The following RRBP1 variants were observed in gnomAD, a reference collection of about 807,000 sequenced individuals.
RRBP1 encodes the protein ribosome-binding protein 1.
Under a neutral mutation model 165.2 loss-of-function variants are expected in RRBP1, and 94 were observed. The observed-to-expected ratio is 0.57, with a 90% confidence interval of 0.48 to 0.68. The LOEUF (loss-of-function observed/expected upper bound fraction) is 0.68. Ranked by LOEUF, RRBP1 falls within the 30% of genes least tolerant of loss-of-function variation. RRBP1 has a pLI of 0.00. For missense variants in RRBP1, 1,676 were observed against 1,763.0 expected (o/e 0.95, Z 0.88); for synonymous variants, 680 against 714.5 (o/e 0.95, Z 0.77).
intron 2 of RRBP1, among the ~76,000 whole-genome samples, chr20:17,665,150 T>A (rs1417622969): frequency 6.6e-6 from 1 of 152,134 alleles, no homozygotes; most frequent in Non-Finnish European, 1.5e-5. Flanking sequence ...TGTATATATA[T>A]GTCATCTCCC....
chr20:17,625,426 G>A (rs1018122393), intron 12 of RRBP1, 86 bp downstream of exon 12: 1 of 1,171,070 alleles, frequency 8.5e-7, no homozygotes, highest in Admixed American at 1.7e-5. Context: ...CCCGAGTCCA[G>A]GGCGGGTGCC....
intron 14 of RRBP1, 34 bp from the exon 15 acceptor site, chr20:17,621,807 CA>C: frequency 7.4e-6 from 12 of 1,613,222 alleles, no homozygotes; most frequent in Non-Finnish European, 1.0e-5. Context: ...GACCCGGGGA[CA>C]TTCCCTGAGA....
At position 17,621,952 on chromosome 20, in the gene RRBP1, G is replaced by T. The variant is rs751663140; in HGVS notation, c.3148-5C>A. 6.2e-7 allele frequency: 1 copy of T among 1,609,244 alleles called. No homozygotes were observed. On this transcript the variant is annotated splice_region_variant and splice_polypyrimidine_tract_variant and intron_variant, in intron 13 of 24. Transcript: ENST00000377813. ...GAGCTGCTTCTCCGATTCCTCCTGGGGGGTGGGTGGGGAAGAGCGGAAGGT... is the reference window on the plus strand; with the variant it reads ...GAGCTGCTTCTCCGATTCCTCCTGGTGGGTGGGTGGGGAAGAGCGGAAGGT...
chr20:17,681,961 G>GCCGGCC (rs2037201632), intron 1 of RRBP1, 67 bp downstream of exon 1: 1 of 147,812 alleles, frequency 6.8e-6, no homozygotes, highest in Non-Finnish European at 1.5e-5. Context: ...GCGCAGCGCG[G>GCCGGCC]CCGGCCCCGG....
chr20:17,635,628 T>C lies in RRBP1; in HGVS notation c.2374A>G (p.Asn792Asp). ...TGCTGCAGGCGGGCCAGCTGCGTGTTGGGGCCATTCTCCAGCTGCTCCTGA... is the reference window on the plus strand; with the variant it reads ...TGCTGCAGGCGGGCCAGCTGCGTGTCGGGGCCATTCTCCAGCTGCTCCTGA... ...TLQEQLENGP[N>D]TQLARLQQEN... The change falls in exon 7 of 25, where the codon AAC becomes GAC. Residue 792 changes from asparagine (N) to aspartate (D), a missense_variant. Transcript: ENST00000377813. The C allele has an allele frequency of 6.2e-7, 1 of 1,613,546 alleles. No individual in the cohort carries two copies.
chr20:17,666,218 T>C (rs994125891), intron 2 of RRBP1, among the ~76,000 whole-genome samples: 6 of 152,194 alleles, frequency 3.9e-5, no homozygotes, highest in African/African-American at 1.4e-4. Flanking sequence ...TTAAATGTTT[T>C]CTTCGAAGCC....
At chr20:17,615,847 C>T in intron 22 of RRBP1, 79 bp downstream of exon 22, 2 of 1,284,748 alleles carry the variant, frequency 1.6e-6, no homozygotes, top group South Asian at 1.3e-5. Flanking sequence ...CCGAGCGGGG[C>T]AGGGCTGACC....
chr20:17,627,943 T>TA (rs1369272345), intron 9 of RRBP1, among the ~76,000 whole-genome samples: 5 of 152,292 alleles, frequency 3.3e-5, no homozygotes, highest in South Asian at 2.1e-4. Flanking sequence ...GAGAAAATGA[T>TA]AGAGAGTGGA....
chr20:17,642,893 G>T, intron 4 of RRBP1, 86 bp downstream of exon 4: 1 of 1,381,600 alleles, frequency 7.2e-7, no homozygotes, highest in African/African-American at 1.4e-5. Context: ...TCCTATGAAT[G>T]TCCTCTCTGT....
At chr20:17,644,793 GA>G (rs113471045) in intron 3 of RRBP1, among the ~76,000 whole-genome samples, 11 of 151,426 alleles carry the variant, frequency 7.3e-5, no homozygotes, top group South Asian at 4.2e-4. Context: ...GATTTGGTAT[GA>G]AAAAAAAAGA....
intron 2 of RRBP1, among the ~76,000 whole-genome samples, chr20:17,666,894 C>A (rs1402767876): frequency 6.9e-6 from 1 of 144,056 alleles, no homozygotes; most frequent in African/African-American, 2.6e-5. Flanking sequence ...CTCCTTTAAT[C>A]TGAAGTATGT....
At chr20:17,654,549 T>G (rs2122423109) in intron 3 of RRBP1, among the ~76,000 whole-genome samples, 1 of 152,352 alleles carries the variant, frequency 6.6e-6, no homozygotes, top group South Asian at 2.1e-4. Context: ...TGTTTGCTAG[T>G]GACTCCCTTC....
Position 17,615,468 on chromosome 20 carries a change from A to T in RRBP1, c.4013T>A (p.Leu1338Gln). 1 of 1,609,228 alleles carries T rather than the reference A, an allele frequency of 6.2e-7. No homozygotes were observed. Among genetic ancestry groups the T allele is most frequent in the Non-Finnish European group, 8.5e-7 (1 of 1,178,220 alleles). The part of the protein sequence containing the change: ...ELEKLRTAGP[L>Q]ESSETEEASQ... The stretch of plus-strand genomic sequence containing the variant: ...GGCCTCCTCTGTTTCTGAAGACTCT[A>T]GGGGGCCGGCTGTGCGGAGCTTCTC... Residue 1338 changes from leucine to glutamine, a missense_variant, in exon 23 of 25, where the codon CTA (leucine) becomes CAA (glutamine). By Grantham distance (113) the Leu-to-Gln change is moderately radical. Transcript: ENST00000377813.
intron 8 of RRBP1, 57 bp from the exon 9 acceptor site, chr20:17,630,018 G>C: frequency 1.3e-6 from 2 of 1,551,252 alleles, no homozygotes; most frequent in Non-Finnish European, 1.7e-6. Context: ...GGCCCTCAGC[G>C]GCTCTGCGGT....
intron 9 of RRBP1, among the ~76,000 whole-genome samples, chr20:17,628,710 G>A (rs1473027139): frequency 2.6e-5 from 4 of 152,228 alleles, no homozygotes; most frequent in East Asian, 1.9e-4. Context: ...CCACCTCCGG[G>A]CCCTGTGCTG....
At chr20:17,661,026 C>A (rs1331160416) in intron 2 of RRBP1, among the ~76,000 whole-genome samples, 5 of 148,752 alleles carry the variant, frequency 3.4e-5, no homozygotes, top group African/African-American at 1.2e-4. Flanking sequence ...TCATGTTAGG[C>A]CAGACACTTT....
In RRBP1 at chr20:17,642,682, C is replaced by CCTTT. The variant is rs2036386058; in HGVS notation, c.2061+293_2061+296dup. On this transcript the variant is annotated intron_variant, in intron 4 of 24. Coordinates refer to ENST00000377813, the MANE Select transcript of RRBP1 (RefSeq NM_001365613.2). ...CAGGGCCCCACACTGTGTCCCTATA[C>CCTTT]CTTTCTTTCTGCACCCTGAGCTGTG... Among the ~76,000 whole-genome samples, 3 of 152,154 alleles carry CCTTT rather than the reference C, an allele frequency of 2.0e-5. No homozygotes were observed. The South Asian group carries it at 6.2e-4, about 32-fold the overall frequency.
chr20:17,614,251 G>A (rs749367599), intron 24 of RRBP1, 31 bp from the exon 25 acceptor site: 2 of 1,609,414 alleles, frequency 1.2e-6, no homozygotes, highest in African/African-American at 1.3e-5. Flanking sequence ...CGTGAGGGGG[G>A]CTGGGCCACG....
chr20:17,672,472 CTTAT>C (rs1344033202), intron 2 of RRBP1, among the ~76,000 whole-genome samples: 2 of 152,186 alleles, frequency 1.3e-5, no homozygotes, highest in African/African-American at 2.4e-5. Flanking sequence ...TGAGTCATTT[CTTAT>C]TTATTATCAA....
Sources: allele counts gnomAD v4.1 joint callset (sites outside exome capture counted in the v4.1 genomes callset), GRCh38; gene constraint gnomAD v4.1.1; transcripts MANE v1.5; gene names NCBI Gene and HGNC (gene_info 2026-07-23, HGNC 2026-07-21).